TENT5B: variants seen among roughly 807,000 people sequenced by gnomAD.
The protein encoded by TENT5B is family with sequence similarity 46 member B.
Under a neutral mutation model 21.7 loss-of-function variants are expected in TENT5B, and 12 were observed. The observed-to-expected ratio is 0.55, with a 90% CI of 0.36 to 0.90. The LOEUF is 0.90. Among genes scored for constraint, TENT5B ranks in the 40% least tolerant of loss-of-function variants. The pLI is 0.01. For synonymous variants in TENT5B, 262 were observed against 266.6 expected (o/e 0.98, Z 0.17); for missense variants, 540 against 601.5 (o/e 0.90, Z 1.07).
At chr1:27,007,838 T>G (rs927477888) in intron 1 of TENT5B, among the ~76,000 whole-genome samples, 1 of 152,170 alleles carries the variant, frequency 6.6e-6, no homozygotes, top group Non-Finnish European at 1.5e-5. Context: ...CATTTGAGTA[T>G]TATTTTGACT....
rs1013079491 is a variant in TENT5B at position 27,012,779 on chromosome 1, C to T, written c.-109G>A. 9 of 1,181,720 alleles carry T rather than the reference C, an allele frequency of 7.6e-6. No homozygotes were observed. Among genetic ancestry groups the T allele is most frequent in the Non-Finnish European group, 6.5e-6 (6 of 917,034 alleles). 73.2% of individuals were successfully genotyped at this position (1,181,720 alleles called of 1,614,324 possible). ...AAGGCGGGGGGCACGAAGGCAGGGA[C>T]GGGGCGGCAACGACGGCGAGACAAA... On this transcript the variant is annotated 5_prime_UTR_variant, in exon 1 of 2. Coordinates refer to ENST00000289166, the MANE Select transcript of TENT5B (RefSeq NM_052943.4).
intron 1 of TENT5B, 46 bp from the exon 2 acceptor site, chr1:27,007,003 G>A: frequency 6.6e-7 from 1 of 1,519,076 alleles, no homozygotes; most frequent in Non-Finnish European, 8.8e-7. Context: ...CGGGCCTCAG[G>A]GGTCCACCAA....
rs933724218 is a variant in TENT5B, at chr1:27,012,814, C to T, written c.-144G>A. On this transcript the variant is annotated 5_prime_UTR_variant, in exon 1 of 2. Coordinates refer to ENST00000289166, the MANE Select transcript of TENT5B (RefSeq NM_052943.4). Reference sequence around the variant, plus strand: ...ACGACGGCGAGACAAAGCCAGGGAACACCTCAGACGGCGACGACTAACCGA... The same window carrying T: ...ACGACGGCGAGACAAAGCCAGGGAATACCTCAGACGGCGACGACTAACCGA... The T allele has an allele frequency of 5.4e-6, 6 of 1,113,284 alleles. No individual in the cohort carries two copies. The highest frequency in any genetic ancestry group is 1.7e-5 in the African/African-American group (1 of 60,012). The allele number at this position is 1,113,284 out of a possible 1,614,324, so 69.0% of individuals were successfully genotyped here. A position where few individuals can be genotyped will look rare whatever the true frequency, so the allele number is the denominator to read the frequency against.
chr1:27,012,723 G>A lies in TENT5B; in HGVS notation c.-53C>T. The A allele has an allele frequency of 7.1e-7, 1 of 1,415,034 alleles. No homozygotes were observed. Among genetic ancestry groups the A allele is most frequent in the African/African-American group, 1.5e-5 (1 of 65,542 alleles). 87.7% of individuals were successfully genotyped at this position (1,415,034 alleles called of 1,614,324 possible). ...GAAACCGTGGGGGTGGTTAAGGGGA[G>A]GAGGACAGGGAGAGCGGCTGGGCAG... On this transcript the variant is annotated 5_prime_UTR_variant, in exon 1 of 2. Coordinates refer to ENST00000289166, the MANE Select transcript of TENT5B (RefSeq NM_052943.4).
At chr1:27,011,541 C>T (rs906781810) in intron 1 of TENT5B, among the ~76,000 whole-genome samples, 7 of 152,152 alleles carry the variant, frequency 4.6e-5, no homozygotes, top group African/African-American at 1.4e-4. Context: ...TGGCAAACTG[C>T]CCCAGCTATA....
In TENT5B at chr1:27,012,506, T is replaced by G. The variant is rs2082628898; in HGVS notation, c.165A>C (p.Pro55=). The G allele has an allele frequency of 2.5e-6, 4 of 1,608,390 alleles. No individual in the cohort carries two copies. The East Asian group carries it at 8.9e-5, about 36-fold the overall frequency. Residue 55 remains proline, a synonymous_variant, in exon 1 of 2, where the codon CCA becomes CCC. Transcript: ENST00000289166. ...GAAGAGCGTCCAGTCGCTTCACCTGTGGCCAGCTCAGCCCACTCAGGTGCC... is the reference window on the plus strand; with the variant it reads ...GAAGAGCGTCCAGTCGCTTCACCTGGGGCCAGCTCAGCCCACTCAGGTGCC... The part of the protein sequence containing the change: ...PGRHLSGLSW[P]QVKRLDALLS...
Position 27,006,957 on chromosome 1 carries a change from C to G in TENT5B, c.265G>C (p.Val89Leu). ...TGCTCCTCCAGGGTGCTGCGGACCA[C>G]CTGCAGGGGAGAGCAGGAAGGAGAG... ...LSVQPRQIVQ[V>L]VRSTLEEQGL... is the part of the protein sequence containing the mutation. Residue 89 changes from valine (V) to leucine (L), a missense_variant and splice_region_variant, in exon 2 of 2, where the codon GTG becomes CTG. Transcript: ENST00000289166. The surrounding 1 kb of genome is among the most constrained non-coding windows in gnomAD (Gnocchi z 9.4). 6.4e-7 allele frequency: 1 copy of G among 1,573,900 alleles called. No individual in the cohort carries two copies. The highest frequency in any genetic ancestry group is 8.6e-7 in the Non-Finnish European group (1 of 1,156,242).
In TENT5B at chr1:27,005,786, G is replaced by A. The variant is rs529609956; in HGVS notation, c.*158C>T. ...CTGGCATTAAGCCCACAGGGGCCTC[G>A]TGCTCGGGAAAGTCTGGTCTGTTCA... On this transcript the variant is annotated 3_prime_UTR_variant, in exon 2 of 2. Transcript: ENST00000289166. 2.0e-4 allele frequency: 197 copies of A among 998,142 alleles called. No homozygotes were observed. The highest frequency in any genetic ancestry group is 1.2e-3 in the African/African-American group (74 of 60,760). The allele number at this position is 998,142 out of a possible 1,614,324, so 61.8% of individuals were successfully genotyped here.
At chr1:27,008,653 G>A (rs921582781) in intron 1 of TENT5B, among the ~76,000 whole-genome samples, 1 of 152,006 alleles carries the variant, frequency 6.6e-6, no homozygotes, top group Non-Finnish European at 1.5e-5. Context: ...CCAGGCTGGA[G>A]TGCAGTGGTG....
At position 27,006,735 on chromosome 1, in the gene TENT5B, T is replaced by G; in HGVS notation, c.487A>C (p.Lys163Gln). ...DFLPAGVSRA[K>Q]ITPLTLKEAY... ...TCCTTGAGTGTCAGTGGCGTGATCTTGGCCCGGCTCACACCGGCCGGCAGG... is the reference window on the plus strand; with the variant it reads ...TCCTTGAGTGTCAGTGGCGTGATCTGGGCCCGGCTCACACCGGCCGGCAGG... The change falls in exon 2 of 2, where the codon AAG becomes CAG. Residue 163 changes from lysine to glutamine, a missense_variant. Lys to Gln is a moderately conservative substitution (Grantham distance 53). Transcript: ENST00000289166. This position sits in a 1 kb window ranked among gnomAD's most constrained non-coding sequence, Gnocchi z 9.4. 1 of 1,614,002 alleles carries G rather than the reference T, an allele frequency of 6.2e-7. No homozygotes were observed. The highest frequency in any genetic ancestry group is 8.5e-7 in the Non-Finnish European group (1 of 1,180,010).
chr1:27,008,516 G>C (rs1281614910), intron 1 of TENT5B, among the ~76,000 whole-genome samples: 1 of 152,204 alleles, frequency 6.6e-6, no homozygotes, highest in African/African-American at 2.4e-5. Flanking sequence ...GGCGTAAGCA[G>C]CTGGCCATCA....
chr1:27,006,708 C>T lies in TENT5B; in HGVS notation c.514G>A (p.Ala172Thr), dbSNP rs374387124. 1.7e-5 allele frequency: 27 copies of T among 1,614,038 alleles called. No individual in the cohort carries two copies. Among genetic ancestry groups the T allele is most frequent in the African/African-American group, 2.7e-5 (2 of 74,932 alleles). The change falls in exon 2 of 2, where the codon GCA (alanine) becomes ACA (threonine). Residue 172 changes from alanine to threonine, a missense_variant. Coordinates refer to ENST00000289166, the MANE Select transcript of TENT5B (RefSeq NM_052943.4). The surrounding 1 kb of genome is among the most constrained non-coding windows in gnomAD (Gnocchi z 9.4). ...ACTTTCACCAGCTTCTGCACGTATGCCTCCTTGAGTGTCAGTGGCGTGATC... is the reference window on the plus strand; with the variant it reads ...ACTTTCACCAGCTTCTGCACGTATGTCTCCTTGAGTGTCAGTGGCGTGATC... ...AKITPLTLKE[A>T]YVQKLVKVCT...
chr1:27,012,373 A>G (rs1158073235), intron 1 of TENT5B, 34 bp downstream of exon 1: 4 of 1,598,732 alleles, frequency 2.5e-6, no homozygotes, highest in Non-Finnish European at 3.4e-6. Context: ...CTCAGAAGGG[A>G]TTCCCCCACA....
chr1:27,006,491 G>C lies in TENT5B; in HGVS notation c.731C>G (p.Thr244Arg), dbSNP rs374183603. ...CCCGTACAGGCTTTCGCCTGTGACC[G>C]TTGGGTGGAAGGCCTCAGACATGGG... ...STPMSEAFHP[T>R]VTGESLYGDF... Residue 244 changes from threonine to arginine, a missense_variant, in exon 2 of 2, where the codon ACG becomes AGG. Transcript: ENST00000289166. This position sits in a 1 kb window ranked among gnomAD's most constrained non-coding sequence, Gnocchi z 9.4. 1.2e-5 allele frequency: 20 copies of C among 1,613,940 alleles called. No homozygotes were observed. The African/African-American group carries it at 2.5e-4, about 20-fold the overall frequency.
Position 27,006,969 on chromosome 1 carries a change from A to T in TENT5B, c.265-12T>A. On this transcript the variant is annotated splice_polypyrimidine_tract_variant and intron_variant, in intron 1 of 1. Transcript: ENST00000289166. The surrounding 1 kb of genome is among the most constrained non-coding windows in gnomAD (Gnocchi z 9.4). ...GTGCTGCGGACCACCTGCAGGGGAG[A>T]GCAGGAAGGAGAGGTGTCAGGAGCG... 6.4e-7 allele frequency: 1 copy of T among 1,560,086 alleles called. No individual in the cohort carries two copies. The highest frequency in any genetic ancestry group is 8.7e-7 in the Non-Finnish European group (1 of 1,150,132).
Position 27,006,017 on chromosome 1 carries a change from G to C in TENT5B, c.1205C>G (p.Thr402Ser), listed in dbSNP as rs1354745651. 1.9e-6 allele frequency: 3 copies of C among 1,609,028 alleles called. No individual in the cohort carries two copies. The Admixed American group carries it at 5.0e-5, about 27-fold the overall frequency. The change falls in exon 2 of 2, where the codon ACT becomes AGT. Residue 402 changes from threonine (T) to serine (S), a missense_variant. Thr to Ser is a moderately conservative substitution (Grantham distance 58). Coordinates refer to ENST00000289166, the MANE Select transcript of TENT5B (RefSeq NM_052943.4). The surrounding 1 kb of genome is among the most constrained non-coding windows in gnomAD (Gnocchi z 9.4). ...CACGGGGGTCACGTAGTAATTGACA[G>C]TGGCTGGCACAACCCCGTCAGTGCC... ...PPGTDGVVPATVNYYVTPVQP... is the reference protein window; with the variant it reads ...PPGTDGVVPASVNYYVTPVQP...
Position 27,006,304 on chromosome 1 carries a change from G to A in TENT5B, c.918C>T (p.Cys306=), listed in dbSNP as rs372537351. Residue 306 remains cysteine (C), a synonymous_variant, in exon 2 of 2, where the codon TGC becomes TGT. Coordinates refer to ENST00000289166, the MANE Select transcript of TENT5B (RefSeq NM_052943.4). The surrounding 1 kb of genome is among the most constrained non-coding windows in gnomAD (Gnocchi z 9.4). Reference sequence around the variant, plus strand: ...CTGGAAAGTCGATGAAGAAGCGGGAGCACATGTAGCGCTGCAGGGCGCGCA... The same window carrying A: ...CTGGAAAGTCGATGAAGAAGCGGGAACACATGTAGCGCTGCAGGGCGCGCA... ...TDVRALQRYM[C]SRFFIDFPDL... 1.9e-6 allele frequency: 3 copies of A among 1,611,502 alleles called. No homozygotes were observed.
rs116726456 is a variant in TENT5B, at chr1:27,012,596, C to T, written c.75G>A (p.Ala25=). Residue 25 remains alanine (A), a synonymous_variant, in exon 1 of 2, where the codon GCG becomes GCA. Coordinates refer to ENST00000289166, the MANE Select transcript of TENT5B (RefSeq NM_052943.4). ...AAQVGTAAAT[A]VATAAPAGGG... ...CGCCTGCCGGGGCTGCCGTGGCCAC[C>T]GCCGTGGCCGCAGCCGTCCCCACCT... 6,859 of 1,531,240 alleles carry T rather than the reference C, an allele frequency of 4.5e-3. 255 individuals carry two copies. The African/African-American group carries it at 0.079, about 18-fold the overall frequency. The allele number at this position is 1,531,240 out of a possible 1,614,324, so 94.9% of individuals were successfully genotyped here.
chr1:27,007,072 A>G, intron 1 of TENT5B, 115 bp from the exon 2 acceptor site: 1 of 343,566 alleles, frequency 2.9e-6, no homozygotes, highest in East Asian at 2.0e-4. Context: ...ACCAGCTGTT[A>G]TGCCTTTGGA....
Sources: gnomAD v4.1 joint callset for allele counts (sites outside exome capture counted in the v4.1 genomes callset) on GRCh38, gnomAD v4.1.1 for gene constraint, Gnocchi (gnomAD v3.1) non-coding constraint, MANE v1.5 for transcripts, NCBI Gene and HGNC (gene_info 2026-07-23, HGNC 2026-07-21) for gene names.